The following IL1RAP variants were observed in gnomAD, a reference collection of about 807,000 sequenced individuals.
IL1RAP encodes the protein interleukin 1 receptor accessory protein.
IL1RAP carries 35 observed loss-of-function variants against 60.7 expected under a neutral mutation model. That is an observed-to-expected ratio of 0.58 (90% CI 0.44 to 0.76). The LOEUF (loss-of-function observed/expected upper bound fraction) is 0.76, where lower values mean the gene tolerates loss of function less well. Ranked by LOEUF, IL1RAP falls within the 30% of genes least tolerant of loss-of-function variation. IL1RAP has a pLI of 0.00. For missense variants in IL1RAP, 572 were observed against 693.9 expected (o/e 0.82, Z 1.97); for synonymous variants, 268 against 250.9 (o/e 1.07, Z -0.64).
At chr3:190,623,760 C>T (rs922299372) in intron 7 of IL1RAP, among the ~76,000 whole-genome samples, 3 of 152,202 alleles carry the variant, frequency 2.0e-5, no homozygotes, top group African/African-American at 4.8e-5. Context: ...CCTTCAAGCT[C>T]CTGCTCCATT....
At chr3:190,571,359 T>A (rs1022627109) in intron 3 of IL1RAP, among the ~76,000 whole-genome samples, 1 of 150,854 alleles carries the variant, frequency 6.6e-6, no homozygotes, top group Admixed American at 6.6e-5. Flanking sequence ...AAAAAAAAAA[T>A]TAAAAAAATA....
intron 3 of IL1RAP, among the ~76,000 whole-genome samples, chr3:190,571,728 T>G (rs934665590): frequency 1.3e-5 from 2 of 152,238 alleles, no homozygotes; most frequent in African/African-American, 4.8e-5. Context: ...CTGTTATCAC[T>G]TTAAAGCAAG....
intron 3 of IL1RAP, among the ~76,000 whole-genome samples, chr3:190,590,584 A>G (rs1728861267): frequency 6.6e-6 from 1 of 152,292 alleles, no homozygotes; most frequent in East Asian, 1.9e-4. Flanking sequence ...TGCCACACTT[A>G]TGGGCAGCGA....
chr3:190,655,558 CGTGTGTGTGTGT>C (rs34341875), downstream of IL1RAP, among the ~76,000 whole-genome samples: 2,721 of 131,146 alleles, frequency 0.021, 76 homozygotes, highest in African/African-American at 0.068. Flanking sequence ...AATTGCCCAC[CGTGTGTGTGTGT>C]GTGTGTGTGT....
intron 3 of IL1RAP, among the ~76,000 whole-genome samples, chr3:190,588,575 G>T (rs1440895002): frequency 6.6e-6 from 1 of 152,174 alleles, no homozygotes; most frequent in Non-Finnish European, 1.5e-5. Context: ...CAAGATGTTT[G>T]TGTGTGTAGT....
intron 5 of IL1RAP, among the ~76,000 whole-genome samples, chr3:190,612,325 A>G (rs540451497): frequency 4.6e-5 from 7 of 152,206 alleles, no homozygotes; most frequent in Non-Finnish European, 1.0e-4. Context: ...AGTTAAAAAA[A>G]AAAGTTTATT....
chr3:190,612,504 G>A (rs1577725450), intron 5 of IL1RAP, among the ~76,000 whole-genome samples: 1 of 151,910 alleles, frequency 6.6e-6, no homozygotes, highest in South Asian at 2.1e-4. Flanking sequence ...ATTGTTCCTT[G>A]TTCCCTCCAG....
At chr3:190,655,464 A>T (rs538474301), downstream of IL1RAP, among the ~76,000 whole-genome samples, 263 of 152,264 alleles carry the variant, frequency 1.7e-3, 2 homozygotes, top group African/African-American at 5.9e-3. Context: ...GCGAGGAAGA[A>T]GATTTCAAAA....
intron 9 of IL1RAP, among the ~76,000 whole-genome samples, chr3:190,631,658 G>T (rs1732798819): frequency 6.6e-6 from 1 of 152,162 alleles, no homozygotes. Context: ...TCCTCAAAAG[G>T]ACATCAAGAA....
Position 190,649,828 on chromosome 3 carries a change from A to G in IL1RAP, c.*1123A>G, listed in dbSNP as rs893349183. ...AAGTCAGTATGAGAAGTCACTGTCA[A>G]TGAAAGTTGTTTTGTTTGTTTTCAG... On this transcript the variant is annotated 3_prime_UTR_variant, in exon 12 of 12. Transcript: ENST00000447382. 4.1e-6 allele frequency: 4 copies of G among 985,206 alleles called. No individual in the cohort carries two copies. The highest frequency in any genetic ancestry group is 4.8e-6 in the Non-Finnish European group (4 of 829,876). 61.0% of individuals were successfully genotyped at this position (985,206 alleles called of 1,614,324 possible).
chr3:190,535,751 A>G (rs1305348385), intron 1 of IL1RAP, among the ~76,000 whole-genome samples: 1 of 152,198 alleles, frequency 6.6e-6, no homozygotes, highest in Non-Finnish European at 1.5e-5. Context: ...CTGGCTTAAT[A>G]GCTCAGATTA....
chr3:190,599,161 G>C (rs1729633133), intron 3 of IL1RAP, among the ~76,000 whole-genome samples: 1 of 151,990 alleles, frequency 6.6e-6, no homozygotes, highest in Non-Finnish European at 1.5e-5. Context: ...TTATCCTTGG[G>C]TCTCGTTCAC....
chr3:190,611,658 G>A (rs189243386), intron 5 of IL1RAP, among the ~76,000 whole-genome samples: 2 of 152,264 alleles, frequency 1.3e-5, no homozygotes, highest in East Asian at 1.9e-4. Flanking sequence ...GACATGGGCC[G>A]TGACGAAGGC....
At chr3:190,585,709 G>A (rs1262340501) in intron 3 of IL1RAP, among the ~76,000 whole-genome samples, 2 of 152,098 alleles carry the variant, frequency 1.3e-5, no homozygotes, top group African/African-American at 4.8e-5. Context: ...CTACTTGGGA[G>A]GGTGAGGTAG....
chr3:190,611,900 A>G (rs1358216998), intron 5 of IL1RAP, among the ~76,000 whole-genome samples: 1 of 152,200 alleles, frequency 6.6e-6, no homozygotes, highest in Non-Finnish European at 1.5e-5. Context: ...ACCAATTGCA[A>G]TGAATCAACT....
At chr3:190,602,365 G>A (rs536116754) in intron 3 of IL1RAP, among the ~76,000 whole-genome samples, 8 of 151,972 alleles carry the variant, frequency 5.3e-5, no homozygotes, top group Non-Finnish European at 8.8e-5. Context: ...GATTTCCAAT[G>A]CAAGCTTTAC....
Position 190,649,674 on chromosome 3 carries a change from G to A in IL1RAP, c.*969G>A. The A allele has an allele frequency of 1.0e-6, 1 of 985,798 alleles. No homozygotes were observed. Among genetic ancestry groups the A allele is most frequent in the Non-Finnish European group, 1.2e-6 (1 of 829,914 alleles). The allele number at this position is 985,798 out of a possible 1,614,324, so 61.1% of individuals were successfully genotyped here. ...TGATTTTTTCTCACTCGTTTTTGTTGCTCCATTGTAAAGGGCGGAGGTCAG... is the reference window on the plus strand; with the variant it reads ...TGATTTTTTCTCACTCGTTTTTGTTACTCCATTGTAAAGGGCGGAGGTCAG... On this transcript the variant is annotated 3_prime_UTR_variant, in exon 12 of 12. Coordinates refer to ENST00000447382, the MANE Select transcript of IL1RAP (RefSeq NM_002182.4).
At chr3:190,634,710 T>TTC (rs1733062643) in intron 9 of IL1RAP, among the ~76,000 whole-genome samples, 1 of 141,334 alleles carries the variant, frequency 7.1e-6, no homozygotes, top group Non-Finnish European at 1.5e-5. Context: ...CTGTTGTGTT[T>TTC]TTTTTTTTGT....
chr3:190,611,018 A>G (rs1730777393), intron 5 of IL1RAP, among the ~76,000 whole-genome samples: 1 of 152,244 alleles, frequency 6.6e-6, no homozygotes, highest in Admixed American at 6.5e-5. Flanking sequence ...AAAGGAGAAT[A>G]ATCAAGTATT....
Sources: gnomAD v4.1 joint callset for allele counts (sites outside exome capture counted in the v4.1 genomes callset) on GRCh38, gnomAD v4.1.1 for gene constraint, MANE v1.5 for transcripts, NCBI Gene and HGNC (gene_info 2026-07-23, HGNC 2026-07-21) for gene names.